The following ERCC8 variants were observed in gnomAD, a reference collection of about 807,000 sequenced individuals.
ERCC8 encodes DNA excision repair protein ERCC-8.
A neutral mutation model predicts 54.9 loss-of-function variants in ERCC8; 52 were observed. The observed-to-expected ratio is 0.95, with a 90% CI of 0.76 to 1.19. The LOEUF is 1.19. Ranked by LOEUF, ERCC8 falls within the 50% of genes most tolerant of loss-of-function variation. The pLI, the probability that ERCC8 is intolerant of heterozygous loss-of-function variation, is 0.00. For missense variants in ERCC8, 514 were observed against 466.1 expected (o/e 1.10, Z -0.95); for synonymous variants, 146 against 157.2 (o/e 0.93, Z 0.53).
Position 60,945,070 on chromosome 5 carries a change from T to A in ERCC8, c.-62A>T, listed in dbSNP as rs756226436. ...CCATGACAGAGCTCAGGGGCGGGAC[T>A]GGAACAGCAGAGTCTCCCATTGGTC... On this transcript the variant is annotated 5_prime_UTR_variant, in exon 1 of 12. Coordinates refer to ENST00000676185, the MANE Select transcript of ERCC8 (RefSeq NM_000082.4). The A allele has an allele frequency of 1.3e-6, 2 of 1,507,054 alleles. No homozygotes were observed. Among genetic ancestry groups the A allele is most frequent in the Admixed American group, 3.3e-5 (2 of 59,866 alleles). The allele number at this position is 1,507,054 out of a possible 1,614,324, so 93.4% of individuals were successfully genotyped here.
intron 11 of ERCC8, among the ~76,000 whole-genome samples, chr5:60,882,489 G>A (rs1343103190): frequency 1.3e-5 from 2 of 152,132 alleles, no homozygotes; most frequent in African/African-American, 2.4e-5. Flanking sequence ...CTGCCCCCCA[G>A]GTTCAAGTGA....
chr5:60,887,348 A>C lies in ERCC8; in HGVS notation c.1122+92T>G, dbSNP rs2112471844. The C allele has an allele frequency of 5.4e-6, 6 of 1,103,756 alleles. No homozygotes were observed. In the East Asian group the frequency reaches 1.4e-4, roughly 26 times the overall value. 68.4% of individuals were successfully genotyped at this position (1,103,756 alleles called of 1,614,324 possible). Reference sequence around the variant, plus strand: ...ACTATAGGTGCATGCCACTGGCAAGAAATGCTTTAAAAGTCTCTCTCACAT... The same window carrying C: ...ACTATAGGTGCATGCCACTGGCAAGCAATGCTTTAAAAGTCTCTCTCACAT... On this transcript the variant is annotated intron_variant, in intron 11 of 11. Coordinates refer to ENST00000676185, the MANE Select transcript of ERCC8 (RefSeq NM_000082.4).
At chr5:60,903,511 T>A in intron 6 of ERCC8, 137 bp downstream of exon 6, 4 of 1,424,606 alleles carry the variant, frequency 2.8e-6, no homozygotes, top group Non-Finnish European at 3.8e-6. Flanking sequence ...GAAGGATCTT[T>A]ATTTCCCTGC....
chr5:60,937,517 T>C (rs746170694), intron 1 of ERCC8, among the ~76,000 whole-genome samples: 13 of 152,184 alleles, frequency 8.5e-5, no homozygotes, highest in Admixed American at 2.6e-4. Flanking sequence ...AATGGAGTTA[T>C]GTTCCCAGGG....
chr5:60,884,937 A>G (rs770926234), intron 11 of ERCC8, among the ~76,000 whole-genome samples: 1 of 152,158 alleles, frequency 6.6e-6, no homozygotes, highest in Non-Finnish European at 1.5e-5. Flanking sequence ...CTCATATACA[A>G]AAGTTTGTTT....
At chr5:60,886,066 G>GTA (rs34324683) in intron 11 of ERCC8, among the ~76,000 whole-genome samples, 16,278 of 151,034 alleles carry the variant, frequency 0.11, 991 homozygotes, top group African/African-American at 0.15. Flanking sequence ...ATATATATAT[G>GTA]TATATATATA....
intron 4 of ERCC8, among the ~76,000 whole-genome samples, chr5:60,910,320 T>A (rs540037762): frequency 2.6e-4 from 39 of 152,234 alleles, no homozygotes; most frequent in Non-Finnish European, 5.1e-4. Context: ...TATCTGATAG[T>A]GAAGTCTTCC....
rs1460184073 is a variant in ERCC8 at position 60,872,482 on chromosome 5, T to C, written c.*2133A>G. 6.6e-6 allele frequency among the ~76,000 whole-genome samples: 1 copy of C among 151,948 alleles called. No individual in the cohort carries two copies. Among genetic ancestry groups the C allele is most frequent in the Admixed American group, 6.6e-5 (1 of 15,248 alleles). Reference sequence around the variant, plus strand: ...CCCATTTAAAAATGGGCAAAGAACCTGAAAAGACAGTTCTCAAAAGAAGAC... The same window carrying C: ...CCCATTTAAAAATGGGCAAAGAACCCGAAAAGACAGTTCTCAAAAGAAGAC... On this transcript the variant is annotated 3_prime_UTR_variant, in exon 12 of 12. Coordinates refer to ENST00000676185, the MANE Select transcript of ERCC8 (RefSeq NM_000082.4).
chr5:60,903,605 C>T lies in ERCC8; in HGVS notation c.550+43G>A, dbSNP rs1030174627. On this transcript the variant is annotated intron_variant, in intron 6 of 11. Transcript: ENST00000676185. ...TTAGTAACGTTTCTTTTTATTGAAT[C>T]GTTTACTCAAAGTAGTTGCCGTTTG... is the stretch of plus-strand genomic sequence containing the variant. 9 of 1,610,074 alleles carry T rather than the reference C, an allele frequency of 5.6e-6. No individual in the cohort carries two copies. In the African/African-American group the frequency reaches 8.0e-5, roughly 14 times the overall value.
chr5:60,891,200 A>G, intron 9 of ERCC8, 114 bp from the exon 10 acceptor site: 16 of 718,084 alleles, frequency 2.2e-5, no homozygotes, highest in Non-Finnish European at 3.5e-5. Context: ...TTTTAAATTT[A>G]AGGAAAATAT....
At chr5:60,923,774 A>G (rs1014327776) in intron 2 of ERCC8, among the ~76,000 whole-genome samples, 1 of 152,092 alleles carries the variant, frequency 6.6e-6, no homozygotes, top group Non-Finnish European at 1.5e-5. Flanking sequence ...CAAAATATAC[A>G]TTTATCCCAA....
At position 60,867,322 on chromosome 5, in the gene ERCC8, T is replaced by A. The variant is rs1186919981; in HGVS notation, c.*7293A>T. On this transcript the variant is annotated 3_prime_UTR_variant, in exon 12 of 12. Coordinates refer to ENST00000676185, the MANE Select transcript of ERCC8 (RefSeq NM_000082.4). Reference sequence around the variant, plus strand: ...CAGGGTGGAGTGCAGTGGGGCGATCTCGGCTCACTGCAACCTCCGCCTTCA... The same window carrying A: ...CAGGGTGGAGTGCAGTGGGGCGATCACGGCTCACTGCAACCTCCGCCTTCA... Among the ~76,000 whole-genome samples, 1 of 152,126 alleles carries A rather than the reference T, an allele frequency of 6.6e-6. No homozygotes were observed. The highest frequency in any genetic ancestry group is 2.1e-4 in the South Asian group (1 of 4,794).
At chr5:60,891,913 G>C (rs1013124996) in intron 9 of ERCC8, 10 of 493,212 alleles carry the variant, frequency 2.0e-5, no homozygotes, top group Non-Finnish European at 4.1e-5. Flanking sequence ...GATCGGAAGG[G>C]AAGTGAGATC....
intron 9 of ERCC8, chr5:60,892,809 G>A (rs984990841): frequency 1.8e-5 from 12 of 678,822 alleles, no homozygotes; most frequent in African/African-American, 1.1e-4. Flanking sequence ...CATGAATTTC[G>A]TGACCCCAGG....
chr5:60,881,455 G>C (rs169663), intron 11 of ERCC8, among the ~76,000 whole-genome samples: 1 of 152,204 alleles, frequency 6.6e-6, no homozygotes. Flanking sequence ...CGTGCCCCCA[G>C]AGGTGAAGTC....
At chr5:60,883,049 C>T (rs1209950959) in intron 11 of ERCC8, among the ~76,000 whole-genome samples, 1 of 151,774 alleles carries the variant, frequency 6.6e-6, no homozygotes, top group Non-Finnish European at 1.5e-5. Flanking sequence ...GCTTCCTAAT[C>T]CTACTATGGA....
chr5:60,875,077 T>C (rs1407877571), intron 11 of ERCC8, among the ~76,000 whole-genome samples: 1 of 152,224 alleles, frequency 6.6e-6, no homozygotes, highest in African/African-American at 2.4e-5. Flanking sequence ...CAGTCTGACC[T>C]GACAGCCCAA....
At chr5:60,885,122 C>T (rs1748358300) in intron 11 of ERCC8, among the ~76,000 whole-genome samples, 1 of 151,938 alleles carries the variant, frequency 6.6e-6, no homozygotes, top group Non-Finnish European at 1.5e-5. Context: ...AGTGATCCTC[C>T]CACCTCACCC....
chr5:60,936,496 T>G lies in ERCC8; in HGVS notation c.78-7537A>C, dbSNP rs114730525. On this transcript the variant is annotated intron_variant, in intron 1 of 11. Coordinates refer to ENST00000676185, the MANE Select transcript of ERCC8 (RefSeq NM_000082.4). ...TTTGTTGCATTTATCTTTTGTGTTT[T>G]GTTGTTGTTGTCCTTTCAATTTCAT... Among the ~76,000 whole-genome samples the G allele has an allele frequency of 7.6e-3, 1,152 of 152,300 alleles. 13 individuals carry two copies. The highest frequency in any genetic ancestry group is 0.026 in the African/African-American group (1,091 of 41,562).
Sources: allele counts gnomAD v4.1 joint callset (sites outside exome capture counted in the v4.1 genomes callset), GRCh38; gene constraint gnomAD v4.1.1; transcripts MANE v1.5; gene names NCBI Gene and HGNC (gene_info 2026-07-23, HGNC 2026-07-21).